PIK3C2G: variants seen among roughly 807,000 people sequenced by gnomAD.
PIK3C2G encodes phosphatidylinositol-4-phosphate 3-kinase catalytic subunit type 2 gamma.
A neutral mutation model predicts 181.1 loss-of-function variants in PIK3C2G; 168 were observed. That is an observed-to-expected ratio of 0.93 (90% confidence interval 0.82 to 1.05). The LOEUF is 1.05. Ranked by LOEUF, PIK3C2G falls within the 50% of genes least tolerant of loss-of-function variation. The pLI is 0.00. For synonymous variants in PIK3C2G, 573 were observed against 592.2 expected, an observed-to-expected ratio of 0.97 and a Z score of 0.47; for missense variants, 1,869 against 1,732.8, an observed-to-expected ratio of 1.08 and a Z score of -1.40.
At chr12:18,550,090 G>A (rs905913006) in intron 26 of PIK3C2G, among the ~76,000 whole-genome samples, 2 of 151,934 alleles carry the variant, frequency 1.3e-5, no homozygotes. Context: ...CAATTTCTCT[G>A]TGTTTCTTGC....
chr12:18,599,911 A>G (rs1215356666), intron 30 of PIK3C2G, among the ~76,000 whole-genome samples: 1 of 151,960 alleles, frequency 6.6e-6, no homozygotes, highest in Non-Finnish European at 1.5e-5. Context: ...TTATGACTTC[A>G]TATCAAATAA....
At chr12:18,443,870 T>G (rs1946876632) in intron 18 of PIK3C2G, among the ~76,000 whole-genome samples, 1 of 152,184 alleles carries the variant, frequency 6.6e-6, no homozygotes, top group Admixed American at 6.5e-5. Flanking sequence ...AGAAAGCATC[T>G]TAGAGTGTAA....
At chr12:18,405,405 G>GTTGTTGT (rs933115211) in intron 16 of PIK3C2G, among the ~76,000 whole-genome samples, 13 of 146,802 alleles carry the variant, frequency 8.9e-5, no homozygotes, top group African/African-American at 3.5e-4. Context: ...TTGTGTTGTT[G>GTTGTTGT]TTGTTGTTGT....
intron 29 of PIK3C2G, among the ~76,000 whole-genome samples, chr12:18,580,411 T>G (rs1946438137): frequency 6.6e-6 from 1 of 152,276 alleles, no homozygotes; most frequent in East Asian, 1.9e-4. Flanking sequence ...TCAAAATAAA[T>G]CCAAATGGAT....
At chr12:18,434,034 A>G (rs1044315993) in intron 18 of PIK3C2G, among the ~76,000 whole-genome samples, 8 of 152,136 alleles carry the variant, frequency 5.3e-5, no homozygotes, top group African/African-American at 1.9e-4. Flanking sequence ...GAAATAAACA[A>G]CAGAAATTAT....
At chr12:18,454,273 C>G (rs528438815) in intron 18 of PIK3C2G, among the ~76,000 whole-genome samples, 2 of 152,126 alleles carry the variant, frequency 1.3e-5, no homozygotes, top group African/African-American at 4.8e-5. Context: ...AAAATATTCT[C>G]TCATGAGAAA....
At chr12:18,692,852 T>C in the PIK3C2G span, 2 of 1,597,598 alleles carry the variant, frequency 1.3e-6, no homozygotes, top group Non-Finnish European at 1.7e-6. Context: ...AAAAGAAATA[T>C]GAACCTCCTG....
the PIK3C2G span, among the ~76,000 whole-genome samples, chr12:18,686,594 T>C: frequency 6.6e-6 from 1 of 152,030 alleles, no homozygotes; most frequent in Non-Finnish European, 1.5e-5. Context: ...AATGTCCTTG[T>C]CCCCAATCTC....
intron 14 of PIK3C2G, among the ~76,000 whole-genome samples, chr12:18,382,887 T>C (rs999701925): frequency 1.3e-5 from 2 of 152,030 alleles, no homozygotes; most frequent in Non-Finnish European, 2.9e-5. Flanking sequence ...AGAAAAATAT[T>C]TAACATGGAA....
downstream of PIK3C2G, among the ~76,000 whole-genome samples, chr12:18,650,331 C>CTCTA (rs1555163997): frequency 1.3e-3 from 122 of 91,954 alleles, 1 homozygote; most frequent in Middle Eastern, 7.7e-3. Context: ...CTCTCTCTCT[C>CTCTA]TATATATATA....
chr12:18,570,190 C>T (rs111453682), intron 29 of PIK3C2G, among the ~76,000 whole-genome samples: 1 of 151,534 alleles, frequency 6.6e-6, no homozygotes, highest in Non-Finnish European at 1.5e-5. Context: ...TGTAATACTT[C>T]TTTATCCATA....
At chr12:18,290,449 A>T (rs1047577297) in intron 3 of PIK3C2G, among the ~76,000 whole-genome samples, 2 of 152,214 alleles carry the variant, frequency 1.3e-5, no homozygotes, top group African/African-American at 2.4e-5. Flanking sequence ...AAAATTTCTA[A>T]ATCAAAATGA....
At chr12:18,395,134 TTC>T (rs150594401) in intron 15 of PIK3C2G, among the ~76,000 whole-genome samples, 22 of 149,844 alleles carry the variant, frequency 1.5e-4, no homozygotes, top group Admixed American at 4.7e-4. Context: ...CCTTCTTTCT[TTC>T]TCTCTCTCTC....
rs1455902873 is a variant in PIK3C2G, at chr12:18,546,450, T to A, written c.3590+18T>A. 1 of 1,305,564 alleles carries A rather than the reference T, an allele frequency of 7.7e-7. No individual in the cohort carries two copies. The highest frequency in any genetic ancestry group is 1.1e-6 in the Non-Finnish European group (1 of 912,166). The allele number at this position is 1,305,564 out of a possible 1,614,324, so 80.9% of individuals were successfully genotyped here. ...TTTACCAAGTAAGATCACCTATGAA[T>A]GTGTGAGCATGCATGCATGAATGTA... On this transcript the variant is annotated intron_variant, in intron 26 of 32. Coordinates refer to ENST00000538779, the MANE Select transcript of PIK3C2G (RefSeq NM_001288772.2).
the PIK3C2G span, among the ~76,000 whole-genome samples, chr12:18,674,766 C>A: frequency 1.3e-5 from 2 of 152,244 alleles, no homozygotes; most frequent in East Asian, 3.9e-4. Flanking sequence ...TGTTGTATGA[C>A]TTCTGTAATG....
At chr12:18,659,317 T>C in the PIK3C2G span, among the ~76,000 whole-genome samples, 4 of 152,192 alleles carry the variant, frequency 2.6e-5, no homozygotes, top group African/African-American at 4.8e-5. Context: ...AAAACAAAAG[T>C]AGTCAGACAA....
the PIK3C2G span, among the ~76,000 whole-genome samples, chr12:18,710,719 C>T: frequency 1.3e-5 from 2 of 152,080 alleles, no homozygotes; most frequent in Admixed American, 6.6e-5. Context: ...ATTCAGGATA[C>T]ATTTTAAAAG....
the PIK3C2G span, chr12:18,687,970 A>C: frequency 7.3e-7 from 1 of 1,361,862 alleles, no homozygotes. Context: ...TTTTGGACAT[A>C]ATGGAAAACC....
chr12:18,679,492 C>T, the PIK3C2G span, among the ~76,000 whole-genome samples: 1 of 151,838 alleles, frequency 6.6e-6, no homozygotes, highest in Admixed American at 6.6e-5. Context: ...TGACAACATT[C>T]ATTTTTTCCA....
Sources: gnomAD v4.1 joint callset for allele counts (sites outside exome capture counted in the v4.1 genomes callset) on GRCh38, gnomAD v4.1.1 for gene constraint, MANE v1.5 for transcripts, NCBI Gene and HGNC (gene_info 2026-07-23, HGNC 2026-07-21) for gene names.